The following SPECC1 variants were observed in gnomAD, a reference collection of about 807,000 sequenced individuals.
SPECC1 encodes the protein sperm antigen with calponin homology and coiled-coil domains 1, also known as cytospin-B.
SPECC1 carries 62 observed loss-of-function variants against 104.1 expected under a neutral mutation model. The ratio of observed to expected loss-of-function variants is 0.60; its 90% CI spans 0.49 to 0.74. The LOEUF (loss-of-function observed/expected upper bound fraction) is 0.74. Ranked by LOEUF, SPECC1 falls within the 30% of genes least tolerant of loss-of-function variation. SPECC1 has a pLI of 0.00. For synonymous variants in SPECC1, 513 were observed against 501.6 expected (o/e 1.02, Z -0.30); for missense variants, 1,306 against 1,310.5 (o/e 1.00, Z 0.05).
chr17:20,126,868 A>G lies in SPECC1; in HGVS notation c.283+16306A>G, dbSNP rs572346911. The stretch of plus-strand genomic sequence containing the variant: ...TCCTTTGAGTTATTAGGATTTGGTC[A>G]TGGCTTTTATTAAATGCCTTCTAGG... On this transcript the variant is annotated intron_variant, in intron 3 of 14. Transcript: ENST00000395527. Among the ~76,000 whole-genome samples the G allele has an allele frequency of 2.0e-5, 3 of 152,328 alleles. No individual in the cohort carries two copies. The South Asian group carries it at 6.2e-4, about 32-fold the overall frequency.
intron 12 of SPECC1, among the ~76,000 whole-genome samples, chr17:20,270,608 G>A (rs1173870693): frequency 2.0e-5 from 3 of 150,770 alleles, no homozygotes; most frequent in Admixed American, 6.6e-5. Context: ...AACAGAGAGA[G>A]ACCCTGTCTC....
chr17:20,278,623 G>C (rs2040653081), intron 12 of SPECC1, among the ~76,000 whole-genome samples: 1 of 152,114 alleles, frequency 6.6e-6, no homozygotes, highest in Non-Finnish European at 1.5e-5. Flanking sequence ...AAGATCACTT[G>C]AGTATAGAAG....
intron 14 of SPECC1, among the ~76,000 whole-genome samples, chr17:20,306,843 C>T (rs1265446894): frequency 6.6e-6 from 1 of 152,142 alleles, no homozygotes; most frequent in East Asian, 1.9e-4. Context: ...TAACAGAACA[C>T]TTGAGAAAAT....
intron 1 of SPECC1, among the ~76,000 whole-genome samples, chr17:20,031,758 T>C (rs2044823741): frequency 6.6e-6 from 1 of 152,262 alleles, no homozygotes; most frequent in Admixed American, 6.5e-5. Context: ...AATATGGTAT[T>C]TGTCCTTTTG....
chr17:20,253,736 G>T (rs753388232), intron 10 of SPECC1, 150 bp downstream of exon 10: 16 of 741,726 alleles, frequency 2.2e-5, no homozygotes, highest in Non-Finnish European at 2.9e-5. Context: ...TATCATGAAT[G>T]TTAGATGCAG....
chr17:20,064,572 T>C (rs2046299438), intron 1 of SPECC1, among the ~76,000 whole-genome samples: 1 of 152,070 alleles, frequency 6.6e-6, no homozygotes, highest in South Asian at 2.1e-4. Flanking sequence ...GGAGGATCTG[T>C]CCCAGCGCCA....
At chr17:20,149,508 C>T (rs897344043) in intron 3 of SPECC1, among the ~76,000 whole-genome samples, 5 of 152,214 alleles carry the variant, frequency 3.3e-5, no homozygotes, top group African/African-American at 2.4e-5. Flanking sequence ...CCCTGGCAGA[C>T]ATTTCACACG....
At chr17:20,235,093 G>A (rs768993837) in intron 7 of SPECC1, among the ~76,000 whole-genome samples, 1 of 152,206 alleles carries the variant, frequency 6.6e-6, no homozygotes, top group Admixed American at 6.5e-5. Context: ...GGGAAGAGGG[G>A]GTCGTTTTTG....
At chr17:20,085,548 A>T (rs1356599712) in intron 1 of SPECC1, among the ~76,000 whole-genome samples, 1 of 152,214 alleles carries the variant, frequency 6.6e-6, no homozygotes, top group Non-Finnish European at 1.5e-5. Context: ...TTAAAACACA[A>T]TGCTAGAAGC....
intron 9 of SPECC1, among the ~76,000 whole-genome samples, chr17:20,250,328 G>A (rs1022135033): frequency 2.0e-5 from 3 of 152,154 alleles, no homozygotes; most frequent in African/African-American, 7.2e-5. Context: ...AAGGAGTTCT[G>A]CATGGAGTTT....
At chr17:20,127,955 C>T (rs1366198011) in intron 3 of SPECC1, among the ~76,000 whole-genome samples, 2 of 152,060 alleles carry the variant, frequency 1.3e-5, no homozygotes, top group South Asian at 2.1e-4. Flanking sequence ...TAAATGATGA[C>T]GATTCTGTAA....
At position 20,247,333 on chromosome 17, in the gene SPECC1, A is replaced by G. The variant is rs756952097; in HGVS notation, c.2598+14A>G. On this transcript the variant is annotated intron_variant, in intron 9 of 14. Transcript: ENST00000395527. ...TCTCCAATGCAGGTAGATGAGCCCC[A>G]GAAATAACCACTGCTTATGGTTTGC... The G allele has an allele frequency of 7.6e-6, 12 of 1,587,058 alleles. No individual in the cohort carries two copies. The Admixed American group carries it at 1.3e-4, about 18-fold the overall frequency.
At chr17:20,137,527 A>T (rs566272405) in intron 3 of SPECC1, among the ~76,000 whole-genome samples, 1 of 152,326 alleles carries the variant, frequency 6.6e-6, no homozygotes, top group East Asian at 1.9e-4. Context: ...TATCCTACTT[A>T]GGAATTATGG....
chr17:20,112,102 A>G, intron 3 of SPECC1: 1 of 765,294 alleles, frequency 1.3e-6, no homozygotes, highest in East Asian at 2.5e-5. Flanking sequence ...CTAACATTAA[A>G]TGCTGGAGGG....
intron 3 of SPECC1, among the ~76,000 whole-genome samples, chr17:20,123,395 G>A (rs1378007112): frequency 6.6e-6 from 1 of 152,230 alleles, no homozygotes. Flanking sequence ...GCAAGCAGTC[G>A]TGATTGGCTC....
At chr17:20,077,545 C>CA (rs1187896641) in intron 1 of SPECC1, among the ~76,000 whole-genome samples, 67 of 152,206 alleles carry the variant, frequency 4.4e-4, no homozygotes, top group Admixed American at 4.4e-3. Flanking sequence ...CGTCTCACCA[C>CA]AACCTCTGCC....
chr17:20,107,468 T>C (rs2048282026), intron 2 of SPECC1, among the ~76,000 whole-genome samples: 1 of 149,900 alleles, frequency 6.7e-6, no homozygotes, highest in South Asian at 2.1e-4. Flanking sequence ...TTTTCTTTTT[T>C]TTTTTTTTTT....
At chr17:20,304,911 A>G (rs1490588922) in intron 13 of SPECC1, among the ~76,000 whole-genome samples, 1 of 152,100 alleles carries the variant, frequency 6.6e-6, no homozygotes, top group Non-Finnish European at 1.5e-5. Flanking sequence ...CAGAATGGGC[A>G]AGAGGCCAGA....
At chr17:20,091,114 A>G (rs2047383975) in intron 1 of SPECC1, among the ~76,000 whole-genome samples, 1 of 151,950 alleles carries the variant, frequency 6.6e-6, no homozygotes, top group Non-Finnish European at 1.5e-5. Context: ...ACTTCTGCTG[A>G]TGGGATCAAT....
Sources: gnomAD v4.1 joint callset for allele counts (sites outside exome capture counted in the v4.1 genomes callset) on GRCh38, gnomAD v4.1.1 for gene constraint, MANE v1.5 for transcripts, NCBI Gene and HGNC (gene_info 2026-07-23, HGNC 2026-07-21) for gene names.